CPQ: variants seen among roughly 807,000 people sequenced by gnomAD.
CPQ encodes Ser-Met dipeptidase.
A neutral mutation model predicts 45.7 loss-of-function variants in CPQ; 37 were observed. The ratio of observed to expected loss-of-function variants is 0.81; its 90% CI spans 0.62 to 1.07. The LOEUF (loss-of-function observed/expected upper bound fraction) is 1.07, where lower values mean the gene tolerates loss of function less well. Among genes scored for constraint, CPQ ranks in the 50% least tolerant of loss-of-function variants. The pLI is 0.00. For synonymous variants in CPQ, 186 were observed against 205.8 expected (o/e 0.90, Z 0.82); for missense variants, 537 against 572.9 (o/e 0.94, Z 0.64).
intron 1 of CPQ, among the ~76,000 whole-genome samples, chr8:96,649,578 C>T (rs1815555088): frequency 6.6e-6 from 1 of 152,018 alleles, no homozygotes; most frequent in Non-Finnish European, 1.5e-5. Flanking sequence ...AGTGGAGATG[C>T]CACTAATGAG....
intron 1 of CPQ, among the ~76,000 whole-genome samples, chr8:96,660,570 G>A (rs551556791): frequency 6.6e-6 from 1 of 152,036 alleles, no homozygotes; most frequent in East Asian, 1.9e-4. Flanking sequence ...TACTGATTTG[G>A]GGGTCTCACC....
intron 5 of CPQ, among the ~76,000 whole-genome samples, chr8:96,982,489 C>T (rs1813919448): frequency 6.6e-6 from 1 of 152,108 alleles, no homozygotes; most frequent in South Asian, 2.1e-4. Context: ...CAGGCATGCA[C>T]CACCATACCC....
intron 1 of CPQ, among the ~76,000 whole-genome samples, chr8:96,756,280 C>A (rs188395965): frequency 9.2e-5 from 14 of 151,954 alleles, no homozygotes; most frequent in Non-Finnish European, 1.5e-5. Flanking sequence ...ATTTTTTGGA[C>A]TCTTGGTTAT....
At chr8:96,681,981 A>G (rs1261227620) in intron 1 of CPQ, among the ~76,000 whole-genome samples, 1 of 152,178 alleles carries the variant, frequency 6.6e-6, no homozygotes, top group Non-Finnish European at 1.5e-5. Flanking sequence ...CCCCCATTGT[A>G]TCTAGGAAGT....
intron 4 of CPQ, among the ~76,000 whole-genome samples, chr8:96,921,854 A>G (rs1197287662): frequency 6.6e-6 from 1 of 152,190 alleles, no homozygotes; most frequent in Non-Finnish European, 1.5e-5. Flanking sequence ...CTTATTCATA[A>G]TTAAAGTTAC....
At chr8:96,831,771 C>G (rs952899932) in intron 2 of CPQ, among the ~76,000 whole-genome samples, 8 of 152,214 alleles carry the variant, frequency 5.3e-5, no homozygotes, top group African/African-American at 1.9e-4. Context: ...TTTCATGAAA[C>G]AAGTCCCTCA....
chr8:96,998,887 T>A (rs1445436114), intron 5 of CPQ, among the ~76,000 whole-genome samples: 1 of 152,044 alleles, frequency 6.6e-6, no homozygotes. Context: ...AAACTGCCTT[T>A]GTTAAAAGAC....
intron 5 of CPQ, among the ~76,000 whole-genome samples, chr8:96,996,053 G>A (rs1199846076): frequency 6.6e-6 from 1 of 151,984 alleles, no homozygotes; most frequent in Non-Finnish European, 1.5e-5. Flanking sequence ...AGGCGAGGAA[G>A]GAGAGAAAGC....
chr8:96,709,489 G>A (rs565190643), intron 1 of CPQ, among the ~76,000 whole-genome samples: 3 of 152,020 alleles, frequency 2.0e-5, no homozygotes, highest in South Asian at 2.1e-4. Flanking sequence ...TTCTTTATCC[G>A]CTTATCTGTT....
chr8:96,736,373 C>T (rs1809982684), intron 1 of CPQ, among the ~76,000 whole-genome samples: 2 of 152,066 alleles, frequency 1.3e-5, no homozygotes, highest in African/African-American at 4.8e-5. Flanking sequence ...TTTTAGAATC[C>T]TGGGGAACTG....
intron 1 of CPQ, among the ~76,000 whole-genome samples, chr8:96,710,982 GTTTTC>G (rs1194176328): frequency 6.6e-6 from 1 of 152,090 alleles, no homozygotes; most frequent in Admixed American, 6.5e-5. Flanking sequence ...CTATCTATCT[GTTTTC>G]TTAGGTCTAG....
intron 4 of CPQ, among the ~76,000 whole-genome samples, chr8:96,926,596 C>CTTCTTCTTCTTCTTA (rs1812887805): frequency 6.9e-6 from 1 of 145,410 alleles, no homozygotes; most frequent in Non-Finnish European, 1.5e-5. Flanking sequence ...TCTTCTTCTT[C>CTTCTTCTTCTTCTTA]TTCTTCTTCT....
chr8:96,913,063 CCTT>C (rs1240028324), intron 4 of CPQ, among the ~76,000 whole-genome samples: 4 of 152,182 alleles, frequency 2.6e-5, no homozygotes, highest in Non-Finnish European at 5.9e-5. Flanking sequence ...TCCTCATACC[CCTT>C]CTTCTCTTAG....
chr8:96,867,973 G>A (rs963106269), intron 3 of CPQ, among the ~76,000 whole-genome samples: 1 of 151,992 alleles, frequency 6.6e-6, no homozygotes, highest in African/African-American at 2.4e-5. Flanking sequence ...ACATAAAACA[G>A]GGCTGTACAT....
intron 1 of CPQ, among the ~76,000 whole-genome samples, chr8:96,645,699 C>T (rs571748260): frequency 6.6e-6 from 1 of 152,102 alleles, no homozygotes; most frequent in African/African-American, 2.4e-5. Context: ...CGGCCCTCAG[C>T]CGTCCTTCCC....
At chr8:97,130,420 GT>G (rs67911510) in intron 7 of CPQ, among the ~76,000 whole-genome samples, 20,954 of 125,056 alleles carry the variant, frequency 0.17, 1,664 homozygotes, top group East Asian at 0.5. Context: ...ATCGTCAGCT[GT>G]TTTTTTTTTT....
intron 7 of CPQ, among the ~76,000 whole-genome samples, chr8:97,140,683 A>G (rs1161720834): frequency 6.6e-6 from 1 of 152,094 alleles, no homozygotes; most frequent in Non-Finnish European, 1.5e-5. Flanking sequence ...ATCCAAAAAT[A>G]CTTTTGGAGT....
intron 1 of CPQ, among the ~76,000 whole-genome samples, chr8:96,753,228 C>G (rs928112084): frequency 6.6e-6 from 1 of 152,022 alleles, no homozygotes; most frequent in Admixed American, 6.6e-5. Flanking sequence ...GTACAAGGCT[C>G]TATTTCAGGC....
At chr8:96,775,214 A>G (rs1810590572) in intron 1 of CPQ, among the ~76,000 whole-genome samples, 2 of 152,176 alleles carry the variant, frequency 1.3e-5, no homozygotes, top group Non-Finnish European at 2.9e-5. Context: ...CCATCCTATT[A>G]GACACAATTC....
Sources: gnomAD v4.1 joint callset for allele counts (sites outside exome capture counted in the v4.1 genomes callset) on GRCh38, gnomAD v4.1.1 for gene constraint, MANE v1.5 for transcripts, NCBI Gene and HGNC (gene_info 2026-07-23, HGNC 2026-07-21) for gene names.